NALF1: variants seen among roughly 807,000 people sequenced by gnomAD.
NALF1 encodes the protein family with sequence similarity 155 member A.
Under a neutral mutation model 48.4 loss-of-function variants are expected in NALF1, and 3 were observed. That is an observed-to-expected ratio of 0.06 (90% CI 0.03 to 0.16). The LOEUF (loss-of-function observed/expected upper bound fraction) is 0.16, where lower values mean the gene tolerates loss of function less well. Ranked by LOEUF, NALF1 falls within the 10% of genes least tolerant of loss-of-function variation. NALF1 has a pLI of 1.00. For missense variants in NALF1, 526 were observed against 571.5 expected (o/e 0.92, Z 0.81); for synonymous variants, 262 against 245.7 (o/e 1.07, Z -0.62).
chr13:107,730,910 C>T (rs1346335276), intron 1 of NALF1, among the ~76,000 whole-genome samples: 1 of 152,124 alleles, frequency 6.6e-6, no homozygotes, highest in African/African-American at 2.4e-5. Flanking sequence ...AGCATATAAG[C>T]GCTGAAAATT....
chr13:107,827,004 A>C (rs1440589520), intron 1 of NALF1, among the ~76,000 whole-genome samples: 1 of 152,222 alleles, frequency 6.6e-6, no homozygotes, highest in Non-Finnish European at 1.5e-5. Context: ...GTTGAGTGAA[A>C]TCAGCATGCC....
chr13:107,770,693 A>G lies in NALF1; in HGVS notation c.915+94989T>C, dbSNP rs111862560. Among the ~76,000 whole-genome samples, 667 of 152,276 alleles carry G rather than the reference A, an allele frequency of 4.4e-3. 9 individuals carry two copies. The highest frequency in any genetic ancestry group is 0.015 in the African/African-American group (627 of 41,558). On this transcript the variant is annotated intron_variant, in intron 1 of 2. Transcript: ENST00000375915. ...ACTAACAGCCTTTTGAGAGCTGCCT[A>G]TTGTAATTAGGAAGACATGTTAATG...
intron 1 of NALF1, among the ~76,000 whole-genome samples, chr13:107,730,582 A>C (rs576738646): frequency 6.6e-6 from 1 of 152,306 alleles, no homozygotes; most frequent in East Asian, 1.9e-4. Context: ...TGCTTTTCTA[A>C]GAAGACATTC....
At chr13:107,826,071 G>A (rs1413369947) in intron 1 of NALF1, among the ~76,000 whole-genome samples, 1 of 152,184 alleles carries the variant, frequency 6.6e-6, no homozygotes, top group Non-Finnish European at 1.5e-5. Context: ...GAGCCACCAT[G>A]CCCAGCCTTA....
chr13:107,375,176 G>A (rs567970609), intron 1 of NALF1, among the ~76,000 whole-genome samples: 1 of 152,134 alleles, frequency 6.6e-6, no homozygotes, highest in East Asian at 1.9e-4. Context: ...ATAAGTAAAA[G>A]CAAATAAATG....
intron 2 of NALF1, among the ~76,000 whole-genome samples, chr13:107,207,780 C>G (rs148468726): frequency 6.6e-6 from 1 of 152,204 alleles, no homozygotes; most frequent in Non-Finnish European, 1.5e-5. Context: ...CAAATAGCTG[C>G]GACTACAGGT....
At chr13:107,726,913 T>TTC (rs765487919) in intron 1 of NALF1, among the ~76,000 whole-genome samples, 16,382 of 126,354 alleles carry the variant, frequency 0.13, 1,509 homozygotes, top group Middle Eastern at 0.18. Context: ...CGGCAAATTC[T>TTC]TGTGTGTGTG....
intron 1 of NALF1, among the ~76,000 whole-genome samples, chr13:107,338,610 C>A (rs1882605484): frequency 6.6e-6 from 1 of 152,080 alleles, no homozygotes; most frequent in African/African-American, 2.4e-5. Flanking sequence ...CAATAATTGA[C>A]CAGCCTCATG....
intron 1 of NALF1, among the ~76,000 whole-genome samples, chr13:107,382,564 G>T (rs1366022171): frequency 4.6e-5 from 7 of 152,166 alleles, no homozygotes; most frequent in Admixed American, 4.6e-4. Flanking sequence ...TTATAATGCT[G>T]TTAACTGCAA....
At chr13:107,325,402 C>T (rs983712489) in intron 1 of NALF1, among the ~76,000 whole-genome samples, 22 of 152,202 alleles carry the variant, frequency 1.4e-4, no homozygotes, top group African/African-American at 5.1e-4. Flanking sequence ...TTTATAACCC[C>T]TTTTTGACTA....
intron 1 of NALF1, among the ~76,000 whole-genome samples, chr13:107,674,329 A>T (rs529642090): frequency 2.6e-5 from 4 of 152,344 alleles, no homozygotes; most frequent in African/African-American, 9.6e-5. Flanking sequence ...GCTATCAAGC[A>T]TCTTAAACAA....
intron 1 of NALF1, among the ~76,000 whole-genome samples, chr13:107,449,584 C>T (rs927089138): frequency 6.6e-6 from 1 of 152,024 alleles, no homozygotes; most frequent in African/African-American, 2.4e-5. Flanking sequence ...ATGTAGAAGT[C>T]GGTAAAGAGA....
chr13:107,650,925 G>A (rs974637001), intron 1 of NALF1, among the ~76,000 whole-genome samples: 3 of 151,818 alleles, frequency 2.0e-5, no homozygotes, highest in Non-Finnish European at 2.9e-5. Flanking sequence ...TCTACTTGAC[G>A]GGGGAGGGTG....
intron 1 of NALF1, among the ~76,000 whole-genome samples, chr13:107,556,812 A>T (rs946482190): frequency 6.6e-6 from 1 of 152,146 alleles, no homozygotes; most frequent in Non-Finnish European, 1.5e-5. Flanking sequence ...GGCTCTGCTT[A>T]TCTGTCAAGT....
At chr13:107,333,193 T>C (rs189596731) in intron 1 of NALF1, among the ~76,000 whole-genome samples, 69 of 152,216 alleles carry the variant, frequency 4.5e-4, no homozygotes, top group Non-Finnish European at 8.5e-4. Context: ...CCTGATTCAA[T>C]ATATAATGTT....
chr13:107,335,133 G>A (rs1462104609), intron 1 of NALF1, among the ~76,000 whole-genome samples: 2 of 152,074 alleles, frequency 1.3e-5, no homozygotes, highest in Non-Finnish European at 2.9e-5. Flanking sequence ...CCCACACCCA[G>A]CATCAATATG....
rs371282078 is a variant in NALF1, at chr13:107,298,390, A to G, written c.916-87635T>C. On this transcript the variant is annotated intron_variant, in intron 1 of 2. Coordinates refer to ENST00000375915, the MANE Select transcript of NALF1 (RefSeq NM_001080396.3). ...AAAAAAAAAAAAAAAAGACAAAAAG[A>G]CACACACACACATACATATACACGT... 3.1e-3 allele frequency among the ~76,000 whole-genome samples: 458 copies of G among 149,138 alleles called. 5 individuals are homozygous for G. Among genetic ancestry groups the G allele is most frequent in the Middle Eastern group, 0.014 (4 of 290 alleles).
intron 2 of NALF1, among the ~76,000 whole-genome samples, chr13:107,196,076 C>T (rs533843060): frequency 3.9e-5 from 6 of 152,208 alleles, no homozygotes; most frequent in African/African-American, 1.4e-4. Context: ...TGCATGTTCA[C>T]GCTTATAAGT....
intron 1 of NALF1, among the ~76,000 whole-genome samples, chr13:107,571,542 T>C (rs1479393285): frequency 1.3e-5 from 2 of 152,124 alleles, no homozygotes; most frequent in Admixed American, 1.3e-4. Context: ...CTTGCCTCTT[T>C]CATGTGATTT....
Sources: gnomAD v4.1 joint callset for allele counts (sites outside exome capture counted in the v4.1 genomes callset) on GRCh38, gnomAD v4.1.1 for gene constraint, MANE v1.5 for transcripts, NCBI Gene and HGNC (gene_info 2026-07-23, HGNC 2026-07-21) for gene names.